The following NBAS variants were observed in gnomAD, a reference collection of about 807,000 sequenced individuals.
NBAS encodes NBAS subunit of NRZ tethering complex.
In NBAS, 219 loss-of-function variants were observed where a neutral mutation model predicts 302.5. The ratio of observed to expected loss-of-function variants is 0.72; its 90% confidence interval spans 0.65 to 0.81. The LOEUF is 0.81. NBAS is among the 30% of genes least tolerant of loss of function. NBAS has a pLI of 0.00. For missense variants in NBAS, 2,932 were observed against 2,841.6 expected (o/e 1.03, Z -0.72); for synonymous variants, 1,118 against 1,021.6 (o/e 1.09, Z -1.80).
At chr2:14,951,619 T>C in the NBAS span, among the ~76,000 whole-genome samples, 1 of 152,230 alleles carries the variant, frequency 6.6e-6, no homozygotes, top group African/African-American at 2.4e-5. Flanking sequence ...TTCTGTTTCA[T>C]ACAAGAACTC....
chr2:15,379,569 T>A, intron 30 of NBAS, 33 bp downstream of exon 30: 1 of 1,595,358 alleles, frequency 6.3e-7, no homozygotes, highest in East Asian at 2.2e-5. Context: ...ACTTTCCCCC[T>A]CCATCTTAGG....
At chr2:15,503,290 C>T (rs772532317) in intron 11 of NBAS, among the ~76,000 whole-genome samples, 1 of 152,056 alleles carries the variant, frequency 6.6e-6, no homozygotes, top group Non-Finnish European at 1.5e-5. Context: ...AAGTACAGTA[C>T]AGTCAAGCCT....
intron 44 of NBAS, among the ~76,000 whole-genome samples, chr2:15,273,280 A>G (rs1017466734): frequency 1.3e-5 from 2 of 152,220 alleles, no homozygotes; most frequent in South Asian, 2.1e-4. Flanking sequence ...AACTTGGATC[A>G]GTTCCTTCCC....
chr2:15,123,114 G>T, the NBAS span, among the ~76,000 whole-genome samples: 2 of 152,186 alleles, frequency 1.3e-5, no homozygotes, highest in Admixed American at 6.5e-5. Context: ...CCTGGGAGCA[G>T]CAGGCTTTCG....
rs182349717 is a variant in NBAS at position 15,262,492 on chromosome 2, A to G, written c.5724+12992T>C. 3.3e-5 allele frequency among the ~76,000 whole-genome samples: 5 copies of G among 152,342 alleles called. No homozygotes were observed. In the East Asian group the frequency reaches 9.7e-4, roughly 29 times the overall value. On this transcript the variant is annotated intron_variant, in intron 44 of 51. Coordinates refer to ENST00000281513, the MANE Select transcript of NBAS (RefSeq NM_015909.4). ...CAGTGATTATAGTTCCTCATTATAC[A>G]AAGGCAAAAACTTAACTCAGAATAT...
the NBAS span, among the ~76,000 whole-genome samples, chr2:14,986,002 C>T: frequency 3.2e-4 from 49 of 152,096 alleles, no homozygotes; most frequent in African/African-American, 1.1e-3. Context: ...AAACTATGGC[C>T]AGAGCCACAT....
At chr2:15,162,360 C>T (rs994152681), downstream of NBAS, among the ~76,000 whole-genome samples, 12 of 152,322 alleles carry the variant, frequency 7.9e-5, no homozygotes, top group Middle Eastern at 6.8e-3. Context: ...AACCACACAT[C>T]CTAGCTCCCT....
the NBAS span, among the ~76,000 whole-genome samples, chr2:14,822,183 C>G: frequency 6.6e-6 from 1 of 152,162 alleles, no homozygotes; most frequent in African/African-American, 2.4e-5. Context: ...AATACAAGGA[C>G]AAGCTGGGTC....
rs143724414 is a variant in NBAS, at chr2:15,330,717, T to C, written c.4228A>G (p.Thr1410Ala). 1.4e-3 allele frequency: 2,183 copies of C among 1,614,008 alleles called. 1 individual carries two copies. The highest frequency in any genetic ancestry group is 1.7e-3 in the Non-Finnish European group (1,991 of 1,179,936). ...GSNSADLLRW[T>A]TATTMKVLSN... ...AGGACTTTCATGGTGGTAGCAGTGG[T>C]CCAGCGCAATAGGTCAGCTGAATTG... The change falls in exon 36 of 52, where the codon ACC becomes GCC. Residue 1410 changes from threonine (T) to alanine (A), a missense_variant. Transcript: ENST00000281513.
chr2:15,209,189 A>G (rs539596563), intron 48 of NBAS, among the ~76,000 whole-genome samples: 2 of 152,328 alleles, frequency 1.3e-5, no homozygotes, highest in African/African-American at 4.8e-5. Context: ...AGTAAGTTGG[A>G]AAATCTAGAG....
At chr2:15,041,523 C>G in the NBAS span, among the ~76,000 whole-genome samples, 1 of 152,190 alleles carries the variant, frequency 6.6e-6, no homozygotes, top group Non-Finnish European at 1.5e-5. Flanking sequence ...AGAGTGGCAA[C>G]TGAAAGGGAA....
Position 15,327,758 on chromosome 2 carries a change from G to T in NBAS, c.4574C>A (p.Thr1525Lys). Residue 1525 changes from threonine to lysine, a missense_variant, in exon 38 of 52, where the codon ACA becomes AAA. Thr to Lys is a moderately conservative substitution (Grantham distance 78). Coordinates refer to ENST00000281513, the MANE Select transcript of NBAS (RefSeq NM_015909.4). ...AGAACCTTCTCTCTTACCTTCAGTT[G>T]TTGGAAATACTTCTCCTTTATTTTT... ...EAKNKGEVFP[T>K]TEVLLQLASE... The T allele has an allele frequency of 1.9e-6, 3 of 1,613,570 alleles. No individual in the cohort carries two copies. The highest frequency in any genetic ancestry group is 2.5e-6 in the Non-Finnish European group (3 of 1,179,626).
chr2:14,809,487 T>C, the NBAS span, among the ~76,000 whole-genome samples: 1 of 152,168 alleles, frequency 6.6e-6, no homozygotes, highest in African/African-American at 2.4e-5. Flanking sequence ...TTCCATGTGG[T>C]GTTGAGCCTG....
chr2:15,143,084 G>A, the NBAS span, among the ~76,000 whole-genome samples: 1 of 152,146 alleles, frequency 6.6e-6, no homozygotes, highest in East Asian at 1.9e-4. Context: ...TGCTTTCAGC[G>A]TGTCTTGTCA....
the NBAS span, among the ~76,000 whole-genome samples, chr2:15,153,336 A>C: frequency 6.6e-6 from 1 of 152,232 alleles, no homozygotes; most frequent in Non-Finnish European, 1.5e-5. Flanking sequence ...TGAGGTGGAC[A>C]TTTTGAATGT....
intron 15 of NBAS, 129 bp downstream of exon 15, chr2:15,473,938 A>T: frequency 8.9e-7 from 1 of 1,127,558 alleles, no homozygotes; most frequent in Non-Finnish European, 1.3e-6. Flanking sequence ...TATAGAACTG[A>T]TATTTTTAAC....
At chr2:15,082,146 G>A in the NBAS span, among the ~76,000 whole-genome samples, 1 of 152,090 alleles carries the variant, frequency 6.6e-6, no homozygotes, top group Admixed American at 6.5e-5. Flanking sequence ...GGTATTATTG[G>A]ACCAATTTAC....
chr2:14,947,497 A>C, the NBAS span, among the ~76,000 whole-genome samples: 4 of 152,210 alleles, frequency 2.6e-5, no homozygotes, highest in East Asian at 7.7e-4. Context: ...ACATTAAACC[A>C]ATAACAAGTA....
intron 11 of NBAS, among the ~76,000 whole-genome samples, chr2:15,498,657 C>T (rs1681162596): frequency 6.6e-6 from 1 of 152,068 alleles, no homozygotes; most frequent in African/African-American, 2.4e-5. Flanking sequence ...AGTGACTGAA[C>T]CATGGGGGCG....
Sources: gnomAD v4.1 joint callset for allele counts (sites outside exome capture counted in the v4.1 genomes callset) on GRCh38, gnomAD v4.1.1 for gene constraint, MANE v1.5 for transcripts, NCBI Gene and HGNC (gene_info 2026-07-23, HGNC 2026-07-21) for gene names.